LAX1: variants seen among roughly 807,000 people sequenced by gnomAD.
LAX1 encodes lymphocyte transmembrane adaptor 1.
Under a neutral mutation model 20.7 loss-of-function variants are expected in LAX1, and 17 were observed. The ratio of observed to expected loss-of-function variants is 0.82; its 90% confidence interval spans 0.56 to 1.23. The LOEUF (loss-of-function observed/expected upper bound fraction) is 1.23, where lower values mean the gene tolerates loss of function less well. LAX1 is among the 50% of genes most tolerant of loss of function. LAX1 has a pLI of 0.00. For synonymous variants in LAX1, 165 were observed against 181.0 expected (o/e 0.91, Z 0.71); for missense variants, 470 against 487.0 (o/e 0.97, Z 0.33).
chr1:203,770,506 G>GGA (rs1667397229), intron 1 of LAX1, among the ~76,000 whole-genome samples: 1 of 24,076 alleles, frequency 4.2e-5, no homozygotes, highest in Non-Finnish European at 8.3e-5. Context: ...AGGAAGGAAG[G>GGA]AAGGAAGAAA....
chr1:203,770,457 GGAAGGAAGGA>G (rs1365489948), intron 1 of LAX1, among the ~76,000 whole-genome samples: 39 of 28,894 alleles, frequency 1.3e-3, no homozygotes, highest in African/African-American at 2.5e-3. Flanking sequence ...GAGAGAGAAA[GGAAGGAAGGA>G]AGGAAGGAAG....
chr1:203,772,023 C>G, intron 3 of LAX1, 45 bp from the exon 4 acceptor site: 1 of 1,467,496 alleles, frequency 6.8e-7, no homozygotes. Context: ...GACTGAAGCA[C>G]TCAGAGGACT....
intron 1 of LAX1, among the ~76,000 whole-genome samples, chr1:203,768,283 C>A (rs1667337895): frequency 6.6e-6 from 1 of 152,004 alleles, no homozygotes; most frequent in Admixed American, 6.6e-5. Context: ...TGCGCTCCAG[C>A]CTGGGAAACA....
rs1318063103 is a variant in LAX1, at chr1:203,774,518, A to C, written c.1034A>C (p.Tyr345Ser). 1 of 1,614,224 alleles carries C rather than the reference A, an allele frequency of 6.2e-7. No homozygotes were observed. Among genetic ancestry groups the C allele is most frequent in the Non-Finnish European group, 8.5e-7 (1 of 1,180,022 alleles). Residue 345 changes from tyrosine to serine, a missense_variant, in exon 5 of 5, where the codon TAT becomes TCT. Physicochemically the swap from Tyr to Ser is moderately radical, Grantham distance 144. Coordinates refer to ENST00000442561, the MANE Select transcript of LAX1 (RefSeq NM_017773.4). ...AGGACATTCCTTGCTTCAGGGGATT[A>C]TGCAGACTTTCAGCCATTCACACAG... is the stretch of plus-strand genomic sequence containing the variant. ...VKRTFLASGD[Y>S]ADFQPFTQSE...
intron 4 of LAX1, among the ~76,000 whole-genome samples, chr1:203,772,422 A>ATT (rs200200760): frequency 8.6e-5 from 13 of 151,492 alleles, no homozygotes; most frequent in Middle Eastern, 3.4e-3. Context: ...TGATTGGTAT[A>ATT]TTTTTTTTTC....
chr1:203,771,600 T>C, intron 3 of LAX1, 123 bp downstream of exon 3: 2 of 721,088 alleles, frequency 2.8e-6, no homozygotes, highest in South Asian at 3.1e-5. Context: ...TCAGAGAGTA[T>C]CAGGGAGAAT....
In LAX1 at chr1:203,774,336, C is replaced by T; in HGVS notation, c.852C>T (p.Leu284=). The change falls in exon 5 of 5, where the codon CTC becomes CTT. Residue 284 remains leucine (L), a synonymous_variant. Coordinates refer to ENST00000442561, the MANE Select transcript of LAX1 (RefSeq NM_017773.4). ...TCAGTGCCATCCAGGAAAGGCAGCT[C>T]TGGGTGGCTTTTCAGTGCTGCAGAG... is the stretch of plus-strand genomic sequence containing the variant. ...LDLSAIQERQ[L]WVAFQCCRDY... 6.2e-7 allele frequency: 1 copy of T among 1,614,168 alleles called. No homozygotes were observed. Among genetic ancestry groups the T allele is most frequent in the Non-Finnish European group, 8.5e-7 (1 of 1,180,030 alleles).
intron 3 of LAX1, among the ~76,000 whole-genome samples, chr1:203,771,826 A>G (rs1667427483): frequency 6.6e-6 from 1 of 152,108 alleles, no homozygotes; most frequent in African/African-American, 2.4e-5. Flanking sequence ...CTCACACAGG[A>G]GCTTGTTTCT....
At chr1:203,769,777 G>GGT (rs1667372252) in intron 1 of LAX1, 3 of 152,554 alleles carry the variant, frequency 2.0e-5, no homozygotes, top group Non-Finnish European at 4.3e-5. Context: ...TTGGTGCGGG[G>GGT]GGGGGGGCGG....
chr1:203,773,916 C>T lies in LAX1; in HGVS notation c.432C>T (p.His144=). ...ATGCCTTCCAGGAGCATACAGCCCA[C>T]ATCCATGCCACAGAGTACGCGGTGG... ...AGNAFQEHTA[H]IHATEYAVGI... The change falls in exon 5 of 5, where the codon CAC becomes CAT. Residue 144 remains histidine, a synonymous_variant. Transcript: ENST00000442561. 10 of 1,613,992 alleles carry T rather than the reference C, an allele frequency of 6.2e-6. No homozygotes were observed. Among genetic ancestry groups the T allele is most frequent in the Non-Finnish European group, 8.5e-6 (10 of 1,179,976 alleles).
chr1:203,770,514 A>AAGG (rs1558070890), intron 1 of LAX1, among the ~76,000 whole-genome samples: 4 of 106,586 alleles, frequency 3.8e-5, no homozygotes, highest in African/African-American at 1.4e-4. Context: ...AGGAAGGAAG[A>AAGG]AAGAAAGAAA....
At position 203,774,277 on chromosome 1, in the gene LAX1, T is replaced by C. The variant is rs1466882162; in HGVS notation, c.793T>C (p.Ser265Pro). 2 of 1,614,056 alleles carry C rather than the reference T, an allele frequency of 1.2e-6. No homozygotes were observed. The highest frequency in any genetic ancestry group is 1.7e-6 in the Non-Finnish European group (2 of 1,180,044). ...CAATGGAGAAGGTTCTTCTCAGATC[T>C]CAAATGACTATGTCAACATGACAGG... ...LSNGEGSSQI[S>P]NDYVNMTGLD... Residue 265 changes from serine to proline, a missense_variant, in exon 5 of 5, where the codon TCA (serine) becomes CCA (proline). Transcript: ENST00000442561.
In LAX1 at chr1:203,775,401, AAAC is replaced by A. The variant is rs1667495220; in HGVS notation, c.*723_*725del. The A allele has an allele frequency of 6.6e-6, 1 of 152,212 alleles. No individual in the cohort carries two copies. The highest frequency in any genetic ancestry group is 1.5e-5 in the Non-Finnish European group (1 of 68,084). 9.4% of individuals were successfully genotyped at this position (152,212 alleles called of 1,614,324 possible). A position where few individuals can be genotyped will look rare whatever the true frequency, so the allele number is the denominator to read the frequency against. On this transcript the variant is annotated 3_prime_UTR_variant, in exon 5 of 5. Transcript: ENST00000442561. ...GAGCGAGACTCCCTCTCAAAAAAAA[AAAC>A]AAACAAAAAAGAAGTGTGGGCAACC...
rs1225446655 is a variant in LAX1 at position 203,770,498 on chromosome 1, GAAGGAAGGAAGGAAGA to G, written c.90-326_90-311del. 3.3e-3 allele frequency among the ~76,000 whole-genome samples: 114 copies of G among 34,984 alleles called. 1 individual carries two copies. The highest frequency in any genetic ancestry group is 4.7e-3 in the South Asian group (3 of 638). 23.0% of individuals were successfully genotyped at this position (34,984 alleles called of 152,430 possible). A position where few individuals can be genotyped will look rare whatever the true frequency, so the allele number is the denominator to read the frequency against. ...GGAAGGAAGGAAGGAAGGAAGGAAGGAAGGAAGGAAGGAAGAAAGAAAGAAAGAAAGAAAGAAAGAA... is the reference window on the plus strand; with the variant it reads ...GGAAGGAAGGAAGGAAGGAAGGAAGGAAGAAAGAAAGAAAGAAAGAAAGAA... On this transcript the variant is annotated intron_variant, in intron 1 of 4. Transcript: ENST00000442561.
Position 203,774,328 on chromosome 1 carries a change from A to G in LAX1, c.844A>G (p.Arg282Gly). 1 of 1,614,192 alleles carries G rather than the reference A, an allele frequency of 6.2e-7. No individual in the cohort carries two copies. Among genetic ancestry groups the G allele is most frequent in the Non-Finnish European group, 8.5e-7 (1 of 1,180,030 alleles). Residue 282 changes from arginine to glycine, a missense_variant, in exon 5 of 5, where the codon AGG becomes GGG. By Grantham distance (125) the Arg-to-Gly change is moderately radical. Transcript: ENST00000442561. ...GTTGGATCTCAGTGCCATCCAGGAA[A>G]GGCAGCTCTGGGTGGCTTTTCAGTG... ...TGLDLSAIQE[R>G]QLWVAFQCCR...
At chr1:203,768,405 A>T (rs2102263896) in intron 1 of LAX1, among the ~76,000 whole-genome samples, 1 of 152,288 alleles carries the variant, frequency 6.6e-6, no homozygotes, top group Admixed American at 6.5e-5. Flanking sequence ...GCCATGGAAG[A>T]CGTGTCTGAG....
At chr1:203,770,453 GAA>G (rs1491099529) in intron 1 of LAX1, among the ~76,000 whole-genome samples, 27 of 23,744 alleles carry the variant, frequency 1.1e-3, no homozygotes, top group African/African-American at 2.8e-3. Flanking sequence ...GAGAGAGAGA[GAA>G]AGGAAGGAAG....
In LAX1 at chr1:203,770,503, AAGGAAGG is replaced by A. The variant is rs1667396870; in HGVS notation, c.90-323_90-317del. ...GAAGGAAGGAAGGAAGGAAGGAAGG[AAGGAAGG>A]AAGAAAGAAAGAAAGAAAGAAAGAA... is the stretch of plus-strand genomic sequence containing the variant. On this transcript the variant is annotated intron_variant, in intron 1 of 4. Coordinates refer to ENST00000442561, the MANE Select transcript of LAX1 (RefSeq NM_017773.4). Among the ~76,000 whole-genome samples, 88 of 86,692 alleles carry A rather than the reference AAGGAAGG, an allele frequency of 1.0e-3. 1 individual carries two copies. Among genetic ancestry groups the A allele is most frequent in the African/African-American group, 3.3e-3 (73 of 21,974 alleles). 56.9% of individuals were successfully genotyped at this position (86,692 alleles called of 152,430 possible).
chr1:203,770,850 A>C lies in LAX1; in HGVS notation c.112A>C (p.Ile38Leu), dbSNP rs1265163872. 1.2e-6 allele frequency: 2 copies of C among 1,613,796 alleles called. No homozygotes were observed. The highest frequency in any genetic ancestry group is 2.7e-5 in the African/African-American group (2 of 74,868). The change falls in exon 2 of 5, where the codon ATC becomes CTC. Residue 38 changes from isoleucine (I) to leucine (L), a missense_variant. By Grantham distance (5) the Ile-to-Leu change is conservative (BLOSUM62 2). Coordinates refer to ENST00000442561, the MANE Select transcript of LAX1 (RefSeq NM_017773.4). Reference sequence around the variant, plus strand: ...TAGAAATAAAGACCAGATCACCAACATCTTTTCCGGGTTTGCGGGACTCCT... The same window carrying C: ...TAGAAATAAAGACCAGATCACCAACCTCTTTTCCGGGTTTGCGGGACTCCT... ...LDRNKDQITN[I>L]FSGFAGLLAI...
Sources: allele counts gnomAD v4.1 joint callset (sites outside exome capture counted in the v4.1 genomes callset), GRCh38; gene constraint gnomAD v4.1.1; transcripts MANE v1.5; gene names NCBI Gene and HGNC (gene_info 2026-07-23, HGNC 2026-07-21).